The following TEX15 variants were observed in gnomAD, a reference collection of about 807,000 sequenced individuals.
The protein encoded by TEX15 is testis expressed 15, meiosis and synapsis associated, also known as testis-expressed protein 15.
A neutral mutation model predicts 237.3 loss-of-function variants in TEX15; 171 were observed. That is an observed-to-expected ratio of 0.72 (90% CI 0.64 to 0.82). The LOEUF (loss-of-function observed/expected upper bound fraction) is 0.82. Ranked by LOEUF, TEX15 falls within the 40% of genes least tolerant of loss-of-function variation. The pLI is 0.00. For missense variants in TEX15, 3,750 were observed against 3,646.5 expected (o/e 1.03, Z -0.73); for synonymous variants, 1,338 against 1,269.8 (o/e 1.05, Z -1.14).
At chr8:30,906,451 G>A (rs2128779967) in intron 1 of TEX15, among the ~76,000 whole-genome samples, 2 of 152,062 alleles carry the variant, frequency 1.3e-5, no homozygotes, top group Middle Eastern at 6.8e-3. Flanking sequence ...TTAGCCTGGT[G>A]TGGTGGCAGG....
Position 30,833,101 on chromosome 8 carries a change from A to G in TEX15, c.*185T>C. The G allele has an allele frequency of 4.2e-6, 2 of 479,036 alleles. No individual in the cohort carries two copies. The highest frequency in any genetic ancestry group is 7.5e-6 in the Non-Finnish European group (2 of 267,532). 29.7% of individuals were successfully genotyped at this position (479,036 alleles called of 1,614,324 possible). On this transcript the variant is annotated 3_prime_UTR_variant, in exon 11 of 11. Coordinates refer to ENST00000643185, the MANE Select transcript of TEX15 (RefSeq NM_001350162.2). ...CATGGAAATAATTCTGGTATATCAG[A>G]TGTTAGAAATTGATGTCCTATATGA... is the stretch of plus-strand genomic sequence containing the variant.
Position 30,846,170 on chromosome 8 carries a change from G to A in TEX15, c.3997C>T (p.Gln1333Ter), listed in dbSNP as rs1185613066. Residue 1333 changes from glutamine (Q) to a stop codon, truncating the protein, a stop_gained, in exon 8 of 11, where the codon CAA becomes TAA. Transcript: ENST00000643185. LOFTEE classifies it high-confidence loss of function. ...IYGRKRRLTS[Q>*]DSSECFSSLS... is the part of the protein sequence containing the mutation. ...GAAGAGAAACACTCAGATGAGTCTTGACTGGTTAGCCTCCTCTTTCTCCCA... is the reference window on the plus strand; with the variant it reads ...GAAGAGAAACACTCAGATGAGTCTTAACTGGTTAGCCTCCTCTTTCTCCCA... 1.2e-6 allele frequency: 2 copies of A among 1,613,236 alleles called. No individual in the cohort carries two copies. The highest frequency in any genetic ancestry group is 1.7e-5 in the Admixed American group (1 of 59,946).
At position 30,837,917 on chromosome 8, in the gene TEX15, G is replaced by A; in HGVS notation, c.8367C>T (p.Asp2789=). The change falls in exon 10 of 11, where the codon GAC becomes GAT. Residue 2789 remains aspartate, a synonymous_variant. Transcript: ENST00000643185. ...GSLLPLENPK[D]TCASKSESKI... is the part of the protein sequence containing the mutation. ...TGCTTTCCGACTTTGATGCGCAAGT[G>A]TCTTTTGGGTTCTCTAAGGGTAAAA... The A allele has an allele frequency of 6.2e-7, 1 of 1,614,134 alleles. No individual in the cohort carries two copies.
At chr8:30,883,698 C>T (rs1440092334) in intron 3 of TEX15, among the ~76,000 whole-genome samples, 4 of 152,072 alleles carry the variant, frequency 2.6e-5, no homozygotes, top group Non-Finnish European at 5.9e-5. Context: ...TTTTTATGGC[C>T]GCATATTCCA....
chr8:30,905,977 C>T (rs967720811), intron 1 of TEX15, among the ~76,000 whole-genome samples: 2 of 152,032 alleles, frequency 1.3e-5, no homozygotes, highest in African/African-American at 4.8e-5. Context: ...ACGCTAGACC[C>T]ATTACCTATA....
At chr8:30,877,199 G>T (rs952390043) in intron 3 of TEX15, among the ~76,000 whole-genome samples, 1 of 152,196 alleles carries the variant, frequency 6.6e-6, no homozygotes, top group South Asian at 2.1e-4. Flanking sequence ...GAGAATGCAT[G>T]CATTGGGTAA....
chr8:30,862,206 G>A (rs1808065792), intron 5 of TEX15, among the ~76,000 whole-genome samples: 1 of 152,124 alleles, frequency 6.6e-6, no homozygotes, highest in African/African-American at 2.4e-5. Flanking sequence ...TGTGTAAAAT[G>A]TACCTAAAAG....
intron 4 of TEX15, among the ~76,000 whole-genome samples, chr8:30,873,584 TC>T (rs1183882414): frequency 6.6e-6 from 1 of 152,048 alleles, no homozygotes; most frequent in African/African-American, 2.4e-5. Flanking sequence ...TTGAAGTAAA[TC>T]CGTATTTTAG....
At chr8:30,900,661 G>T (rs1176429470) in intron 1 of TEX15, among the ~76,000 whole-genome samples, 3 of 152,200 alleles carry the variant, frequency 2.0e-5, no homozygotes, top group Admixed American at 2.0e-4. Flanking sequence ...CTCAAGGGAG[G>T]ATGTCAACAC....
intron 2 of TEX15, among the ~76,000 whole-genome samples, chr8:30,889,934 C>CATATATATATATATATATACAT (rs1030241135): frequency 8.1e-6 from 1 of 123,326 alleles, no homozygotes; most frequent in East Asian, 2.1e-4. Context: ...TAGTTATATA[C>CATATATATATATATATATACAT]ATATATATAT....
chr8:30,892,548 G>A (rs1808815660), intron 2 of TEX15, among the ~76,000 whole-genome samples: 1 of 152,180 alleles, frequency 6.6e-6, no homozygotes, highest in South Asian at 2.1e-4. Context: ...CTTAAGATAA[G>A]TTATACTGTT....
chr8:30,906,123 C>T (rs574191134), intron 1 of TEX15, among the ~76,000 whole-genome samples: 3 of 152,190 alleles, frequency 2.0e-5, no homozygotes, highest in East Asian at 1.9e-4. Flanking sequence ...TATGGTAAAG[C>T]GCTATATAAG....
intron 4 of TEX15, among the ~76,000 whole-genome samples, chr8:30,872,848 A>C (rs1288892100): frequency 1.3e-5 from 2 of 152,216 alleles, no homozygotes; most frequent in Non-Finnish European, 2.9e-5. Context: ...ATGTTATTAC[A>C]AAAGGGTCAA....
In TEX15 at chr8:30,849,203, T is replaced by A; in HGVS notation, c.964A>T (p.Asn322Tyr). ...KKPVDPFVQENCLCNALNSEI... is the reference protein window; with the variant it reads ...KKPVDPFVQEYCLCNALNSEI... ...GAATTTAGTGCATTGCATAAACAGT[T>A]TTCTTGAACAAATGGATCTACAGGT... Residue 322 changes from asparagine to tyrosine, a missense_variant, in exon 8 of 11, where the codon AAC becomes TAC. Transcript: ENST00000643185. 1 of 1,537,074 alleles carries A rather than the reference T, an allele frequency of 6.5e-7. No individual in the cohort carries two copies. The highest frequency in any genetic ancestry group is 2.4e-5 in the East Asian group (1 of 40,894).
Position 30,887,186 on chromosome 8 carries a change from G to C in TEX15, c.117C>G (p.Ile39Met), listed in dbSNP as rs554293399. ...NPLKKFTIPK[I>M]RRTAEKVYLS... ...TATTACCTTTCTCAGCTGTCCTCCTGATCTTAGGAATGGTGAATTTCTTCA... is the reference window on the plus strand; with the variant it reads ...TATTACCTTTCTCAGCTGTCCTCCTCATCTTAGGAATGGTGAATTTCTTCA... Residue 39 changes from isoleucine (I) to methionine (M), a missense_variant, in exon 3 of 11, where the codon ATC becomes ATG. Ile to Met is a conservative substitution (Grantham distance 10). Coordinates refer to ENST00000643185, the MANE Select transcript of TEX15 (RefSeq NM_001350162.2). 2.9e-4 allele frequency: 441 copies of C among 1,534,524 alleles called. 3 individuals carry two copies. In the South Asian group the frequency reaches 4.9e-3, roughly 17 times the overall value.
chr8:30,875,377 T>G (rs1808379317), intron 3 of TEX15, among the ~76,000 whole-genome samples: 1 of 152,206 alleles, frequency 6.6e-6, no homozygotes, highest in Non-Finnish European at 1.5e-5. Context: ...ATTTTCAACT[T>G]AAGATGTTGC....
At chr8:30,878,407 G>C (rs1808445419) in intron 3 of TEX15, among the ~76,000 whole-genome samples, 1 of 151,958 alleles carries the variant, frequency 6.6e-6, no homozygotes. Flanking sequence ...TTTTGAGACG[G>C]AGTTTCACTC....
chr8:30,877,697 C>T (rs1254320066), intron 3 of TEX15, among the ~76,000 whole-genome samples: 2 of 152,050 alleles, frequency 1.3e-5, no homozygotes, highest in Non-Finnish European at 2.9e-5. Flanking sequence ...AAAAACAGTT[C>T]ACAGAGGTCC....
At chr8:30,876,902 G>A (rs551579464) in intron 3 of TEX15, among the ~76,000 whole-genome samples, 11 of 152,220 alleles carry the variant, frequency 7.2e-5, no homozygotes, top group African/African-American at 1.9e-4. Context: ...TCTTGAGATA[G>A]TGAGTTTTTA....
Sources: gnomAD v4.1 joint callset for allele counts (sites outside exome capture counted in the v4.1 genomes callset) on GRCh38, gnomAD v4.1.1 for gene constraint, MANE v1.5 for transcripts, NCBI Gene and HGNC (gene_info 2026-07-23, HGNC 2026-07-21) for gene names.